Variants in SNTG1 observed in about 807,000 individuals in gnomAD.
SNTG1 encodes syntrophin gamma 1, also known as gamma-1-syntrophin.
Under a neutral mutation model 74.7 loss-of-function variants are expected in SNTG1, and 39 were observed. The observed-to-expected ratio is 0.52, with a 90% CI of 0.40 to 0.68. The LOEUF is 0.68. SNTG1 is among the 30% of genes least tolerant of loss of function. The probability of loss-of-function intolerance (pLI) is 0.00; values close to 1 mark genes in which losing one functional copy is unlikely to be tolerated. For synonymous variants in SNTG1, 254 were observed against 217.1 expected, an observed-to-expected ratio of 1.17 and a Z score of -1.49; for missense variants, 685 against 609.5, an observed-to-expected ratio of 1.12 and a Z score of -1.30.
At chr8:50,281,763 C>T (rs2088469746) in intron 2 of SNTG1, among the ~76,000 whole-genome samples, 1 of 152,140 alleles carries the variant, frequency 6.6e-6, no homozygotes, top group Admixed American at 6.6e-5. Flanking sequence ...ACATTGGTTT[C>T]TTTGCAAATT....
intron 1 of SNTG1, among the ~76,000 whole-genome samples, chr8:49,950,210 C>G (rs986271274): frequency 1.3e-5 from 2 of 152,170 alleles, no homozygotes; most frequent in Non-Finnish European, 2.9e-5. Context: ...GTCATTATAT[C>G]TTTACAGACT....
intron 1 of SNTG1, among the ~76,000 whole-genome samples, chr8:50,008,958 A>G (rs752601732): frequency 4.6e-5 from 7 of 152,156 alleles, no homozygotes; most frequent in Admixed American, 1.3e-4. Flanking sequence ...TTTTCAAGTA[A>G]TTTTAGTTTT....
chr8:50,122,157 T>G (rs147187457), intron 1 of SNTG1, among the ~76,000 whole-genome samples: 1 of 141,896 alleles, frequency 7.0e-6, no homozygotes, highest in East Asian at 2.0e-4. Flanking sequence ...TGCCCATGGT[T>G]GTGTGGGATA....
intron 1 of SNTG1, among the ~76,000 whole-genome samples, chr8:50,052,430 G>T (rs1035233023): frequency 1.3e-5 from 2 of 152,046 alleles, no homozygotes; most frequent in East Asian, 3.9e-4. Context: ...AACTTAAAAT[G>T]CATTATGCAC....
chr8:50,005,480 A>AT (rs1423545109), intron 1 of SNTG1, among the ~76,000 whole-genome samples: 1 of 151,838 alleles, frequency 6.6e-6, no homozygotes, highest in Non-Finnish European at 1.5e-5. Context: ...TGCAAAAAAA[A>AT]AATAATTGAT....
intron 1 of SNTG1, among the ~76,000 whole-genome samples, chr8:49,955,358 A>G (rs541468616): frequency 6.6e-6 from 1 of 152,224 alleles, no homozygotes; most frequent in African/African-American, 2.4e-5. Context: ...TGCTGGCTCG[A>G]TGGCAGGCTG....
At chr8:50,782,635 T>G (rs558056705) in intron 18 of SNTG1, among the ~76,000 whole-genome samples, 5 of 116,498 alleles carry the variant, frequency 4.3e-5, no homozygotes, top group Non-Finnish European at 9.4e-5. Context: ...TTCAACTTCT[T>G]TGCCTTTGGT....
At chr8:50,174,987 T>C (rs1317901426) in intron 2 of SNTG1, among the ~76,000 whole-genome samples, 1 of 151,922 alleles carries the variant, frequency 6.6e-6, no homozygotes, top group African/African-American at 2.4e-5. Context: ...CTTGCGATAG[T>C]TTGCTGAGAA....
chr8:50,767,372 C>T (rs559596940), intron 18 of SNTG1, among the ~76,000 whole-genome samples: 4 of 151,978 alleles, frequency 2.6e-5, no homozygotes, highest in South Asian at 4.1e-4. Flanking sequence ...ATTGGGAGAA[C>T]TTTGTTTTAT....
chr8:50,505,610 C>T (rs1383368749), intron 9 of SNTG1, among the ~76,000 whole-genome samples: 1 of 152,068 alleles, frequency 6.6e-6, no homozygotes, highest in Non-Finnish European at 1.5e-5. Context: ...AATCAGTAAT[C>T]TTAAGCGTCT....
intron 2 of SNTG1, among the ~76,000 whole-genome samples, chr8:50,341,247 T>C (rs777573079): frequency 6.6e-6 from 1 of 151,918 alleles, no homozygotes; most frequent in African/African-American, 2.4e-5. Context: ...CATTGATACA[T>C]AGTCAGTACT....
chr8:50,031,801 G>A (rs1287717937), intron 1 of SNTG1, among the ~76,000 whole-genome samples: 1 of 151,802 alleles, frequency 6.6e-6, no homozygotes, highest in African/African-American at 2.4e-5. Context: ...TACTTTCTTC[G>A]GTTTTGGTAC....
chr8:50,365,824 C>T (rs1378104101), intron 2 of SNTG1, among the ~76,000 whole-genome samples: 1 of 152,014 alleles, frequency 6.6e-6, no homozygotes, highest in Non-Finnish European at 1.5e-5. Flanking sequence ...TTTTAAAATG[C>T]ATAAAATATT....
At chr8:50,495,884 C>T (rs1326553201) in intron 8 of SNTG1, among the ~76,000 whole-genome samples, 1 of 152,184 alleles carries the variant, frequency 6.6e-6, no homozygotes, top group Non-Finnish European at 1.5e-5. Flanking sequence ...GACTCCCTAA[C>T]ACTGGCATGA....
chr8:50,548,690 C>A (rs1319925254), intron 11 of SNTG1, among the ~76,000 whole-genome samples: 1 of 151,808 alleles, frequency 6.6e-6, no homozygotes, highest in African/African-American at 2.4e-5. Flanking sequence ...ACAAGTGTTG[C>A]AATAAAGGAA....
chr8:50,133,442 A>ATG (rs2081376681), intron 1 of SNTG1, among the ~76,000 whole-genome samples: 1 of 152,150 alleles, frequency 6.6e-6, no homozygotes, highest in Non-Finnish European at 1.5e-5. Context: ...AGCTATCTGT[A>ATG]TGTCAGCTCC....
intron 8 of SNTG1, chr8:50,491,211 G>C (rs1459350292): frequency 6.6e-6 from 1 of 152,312 alleles, no homozygotes; most frequent in Non-Finnish European, 1.5e-5. Context: ...ACCTCGGACA[G>C]CCAACAATTC....
chr8:49,977,733 C>T (rs1812318756), intron 1 of SNTG1, among the ~76,000 whole-genome samples: 1 of 152,208 alleles, frequency 6.6e-6, no homozygotes, highest in Non-Finnish European at 1.5e-5. Flanking sequence ...CCCTATCTTA[C>T]ATTCATTCCT....
intron 3 of SNTG1, among the ~76,000 whole-genome samples, chr8:50,398,426 C>T (rs1475765502): frequency 6.6e-6 from 1 of 152,208 alleles, no homozygotes; most frequent in African/African-American, 2.4e-5. Flanking sequence ...CATTTTCACA[C>T]TTCCATATCT....
Sources: gnomAD v4.1 joint callset for allele counts (sites outside exome capture counted in the v4.1 genomes callset) on GRCh38, gnomAD v4.1.1 for gene constraint, MANE v1.5 for transcripts, NCBI Gene and HGNC (gene_info 2026-07-23, HGNC 2026-07-21) for gene names.